AFG3L2: variants seen among roughly 807,000 people sequenced by gnomAD.
AFG3L2 encodes the protein AFG3 like matrix AAA peptidase subunit 2.
AFG3L2 carries 54 observed loss-of-function variants against 94.5 expected under a neutral mutation model. The observed-to-expected ratio is 0.57, with a 90% CI of 0.46 to 0.72. AFG3L2 has a LOEUF of 0.72. AFG3L2 is among the 30% of genes least tolerant of loss of function. The pLI is 0.00. For missense variants in AFG3L2, 754 were observed against 994.9 expected, an observed-to-expected ratio of 0.76 and a Z score of 3.26; for synonymous variants, 377 against 365.5, an observed-to-expected ratio of 1.03 and a Z score of -0.36.
chr18:12,351,364 T>G lies in AFG3L2; in HGVS notation c.1368A>C (p.Pro456=). Residue 456 remains proline (P), a synonymous_variant, in exon 11 of 17, where the codon CCA becomes CCC. Transcript: ENST00000269143. ...NVVILAGTNR[P]DILDPALLRP... ...TAAGCAGCGCGGGGTCCAGGATATC[T>G]GGTCGATTGGTGCCGGCCAAAATGA... 1 of 1,614,208 alleles carries G rather than the reference T, an allele frequency of 6.2e-7. No individual in the cohort carries two copies. The highest frequency in any genetic ancestry group is 8.5e-7 in the Non-Finnish European group (1 of 1,180,034).
intron 13 of AFG3L2, among the ~76,000 whole-genome samples, chr18:12,347,184 C>G (rs907519506): frequency 6.6e-6 from 1 of 152,186 alleles, no homozygotes; most frequent in Non-Finnish European, 1.5e-5. Flanking sequence ...TAATTCAACA[C>G]TGGCCATAGG....
intron 3 of AFG3L2, 91 bp from the exon 4 acceptor site, chr18:12,367,473 A>T: frequency 1.7e-6 from 2 of 1,180,526 alleles, no homozygotes; most frequent in South Asian, 1.2e-5. Context: ...TAAAAGACTC[A>T]TTGCAGAATA....
chr18:12,332,398 C>G (rs1907562099), intron 16 of AFG3L2, among the ~76,000 whole-genome samples: 2 of 152,094 alleles, frequency 1.3e-5, no homozygotes, highest in Non-Finnish European at 2.9e-5. Flanking sequence ...TGCACCTGGC[C>G]AGACTTATTT....
Position 12,356,685 on chromosome 18 carries a change from G to T in AFG3L2, c.1164+9C>A, listed in dbSNP as rs1908506089. The T allele has an allele frequency of 6.2e-7, 1 of 1,614,100 alleles. No individual in the cohort carries two copies. The highest frequency in any genetic ancestry group is 2.2e-5 in the East Asian group (1 of 44,884). On this transcript the variant is annotated intron_variant, in intron 9 of 16. Coordinates refer to ENST00000269143, the MANE Select transcript of AFG3L2 (RefSeq NM_006796.3). ...GGAAGCTGTACCATCCGAACAGAAT[G>T]AGACTCACTCTAGCAGGGCCCACAC...
At chr18:12,375,129 C>T (rs1157328212) in intron 1 of AFG3L2, among the ~76,000 whole-genome samples, 2 of 151,262 alleles carry the variant, frequency 1.3e-5, no homozygotes, top group African/African-American at 4.9e-5. Context: ...TACAGGAAAC[C>T]GAAAAAGGAC....
At chr18:12,332,677 T>C (rs920941713) in intron 16 of AFG3L2, among the ~76,000 whole-genome samples, 17 of 94,992 alleles carry the variant, frequency 1.8e-4, no homozygotes, top group African/African-American at 5.1e-4. Flanking sequence ...TCCATATATA[T>C]ATATATATTT....
chr18:12,355,318 A>C (rs1908457822), intron 9 of AFG3L2, among the ~76,000 whole-genome samples: 1 of 152,246 alleles, frequency 6.6e-6, no homozygotes, highest in East Asian at 1.9e-4. Flanking sequence ...CAAATATACA[A>C]ATGGCCAATA....
chr18:12,354,918 T>C (rs1388354933), intron 9 of AFG3L2, among the ~76,000 whole-genome samples: 1 of 151,984 alleles, frequency 6.6e-6, no homozygotes, highest in Non-Finnish European at 1.5e-5. Flanking sequence ...AAGTGTGAAA[T>C]AGATGTGAAG....
intron 5 of AFG3L2, among the ~76,000 whole-genome samples, chr18:12,365,114 C>T (rs1415709147): frequency 6.6e-6 from 1 of 152,178 alleles, no homozygotes; most frequent in Non-Finnish European, 1.5e-5. Context: ...AAACAAAAAG[C>T]AAAGGAGCCC....
chr18:12,351,324 C>T lies in AFG3L2; in HGVS notation c.1408G>A (p.Asp470Asn), dbSNP rs777218796. 3.7e-6 allele frequency: 6 copies of T among 1,614,124 alleles called. No individual in the cohort carries two copies. The Admixed American group carries it at 8.3e-5, about 22-fold the overall frequency. ...ATCTCACCAATAAAGATCTGCCTGTCGAAACGCCCCGGCCTAAGCAGCGCG... is the reference window on the plus strand; with the variant it reads ...ATCTCACCAATAAAGATCTGCCTGTTGAAACGCCCCGGCCTAAGCAGCGCG... ...DPALLRPGRF[D>N]RQIFIGPPDI... Residue 470 changes from aspartate to asparagine, a missense_variant, in exon 11 of 17, where the codon GAC becomes AAC. This residue lies in a region of AFG3L2 where 109 missense variants were observed against 227.1 expected (regional missense o/e 0.48). Transcript: ENST00000269143.
chr18:12,334,324 C>T (rs769098746), intron 16 of AFG3L2, among the ~76,000 whole-genome samples: 9 of 152,160 alleles, frequency 5.9e-5, no homozygotes, highest in African/African-American at 1.4e-4. Context: ...CAGCGTGAGT[C>T]GTGTGAGTAC....
At chr18:12,365,260 A>AG (rs764302401) in intron 5 of AFG3L2, among the ~76,000 whole-genome samples, 10 of 152,158 alleles carry the variant, frequency 6.6e-5, no homozygotes, top group Non-Finnish European at 1.2e-4. Context: ...AAAGAGCCAG[A>AG]GGGTCAGGAG....
At chr18:12,362,484 T>C (rs1908690481) in intron 6 of AFG3L2, among the ~76,000 whole-genome samples, 1 of 152,208 alleles carries the variant, frequency 6.6e-6, no homozygotes, top group South Asian at 2.1e-4. Flanking sequence ...TTTACAATCT[T>C]GAAATACAAT....
chr18:12,342,517 G>A (rs1330378131), intron 14 of AFG3L2: 31 of 152,084 alleles, frequency 2.0e-4, no homozygotes, highest in Admixed American at 2.0e-3. Flanking sequence ...TTTCTTAACT[G>A]TCTTTCAAAG....
At position 12,337,465 on chromosome 18, in the gene AFG3L2, A is replaced by G; in HGVS notation, c.2051T>C (p.Val684Ala). Residue 684 changes from valine to alanine, a missense_variant, in exon 16 of 17, where the codon GTA becomes GCA. Physicochemically the swap from Val to Ala is moderately conservative, Grantham distance 64. Around this residue, in one of 4 missense-constraint regions of AFG3L2, gnomAD observed 279 missense variants for 378.6 expected, o/e 0.74. Transcript: ENST00000269143. ...GGCTTCACTGTAAGGTTTCTCCAAT[A>G]CCATGTCCCCCTGACGTGGGAGGTC... is the stretch of plus-strand genomic sequence containing the variant. The part of the protein sequence containing the change: ...SFDLPRQGDM[V>A]LEKPYSEATA... The G allele has an allele frequency of 6.2e-7, 1 of 1,614,146 alleles. No homozygotes were observed. The highest frequency in any genetic ancestry group is 8.5e-7 in the Non-Finnish European group (1 of 1,180,014).
chr18:12,330,907 C>T (rs1208626882), intron 16 of AFG3L2, among the ~76,000 whole-genome samples: 1 of 152,182 alleles, frequency 6.6e-6, no homozygotes, highest in Non-Finnish European at 1.5e-5. Flanking sequence ...AATTAAGCTT[C>T]TACCAATCAT....
At chr18:12,360,117 G>T in intron 6 of AFG3L2, 66 bp from the exon 7 acceptor site, 1 of 1,487,236 alleles carries the variant, frequency 6.7e-7, no homozygotes, top group Non-Finnish European at 9.2e-7. Context: ...TTCACTAAAC[G>T]GTTCAACTTT....
chr18:12,369,075 C>T (rs1272389670), intron 3 of AFG3L2, among the ~76,000 whole-genome samples: 1 of 152,102 alleles, frequency 6.6e-6, no homozygotes, highest in Non-Finnish European at 1.5e-5. Flanking sequence ...CGAGTGGAGT[C>T]TGAGACAGGT....
chr18:12,359,403 G>A (rs1028823242), intron 7 of AFG3L2, among the ~76,000 whole-genome samples: 4 of 151,948 alleles, frequency 2.6e-5, no homozygotes, highest in Non-Finnish European at 5.9e-5. Flanking sequence ...AAGTATAAAT[G>A]TGTACAAAAG....
Sources: gnomAD v4.1 joint callset for allele counts (sites outside exome capture counted in the v4.1 genomes callset) on GRCh38, gnomAD v4.1.1 for gene constraint, gnomAD v4.1.1 regional missense constraint, MANE v1.5 for transcripts, NCBI Gene and HGNC (gene_info 2026-07-23, HGNC 2026-07-21) for gene names.